The following APOL3 variants were observed in gnomAD, a reference collection of about 807,000 sequenced individuals.
APOL3 encodes apolipoprotein L3, also known as TNF-inducible protein CG12-1.
APOL3 carries 14 observed loss-of-function variants against 11.6 expected under a neutral mutation model. The observed-to-expected ratio is 1.21, with a 90% CI of 0.80 to 1.89. The LOEUF (loss-of-function observed/expected upper bound fraction) is 1.89, where lower values mean the gene tolerates loss of function less well. APOL3 is among the 40% of genes most tolerant of loss of function. The pLI is 0.00. For synonymous variants in APOL3, 192 were observed against 190.6 expected (o/e 1.01, Z -0.06); for missense variants, 483 against 492.1 (o/e 0.98, Z 0.17).
chr22:36,142,418 C>T (rs1179355984), intron 2 of APOL3, among the ~76,000 whole-genome samples: 1 of 151,920 alleles, frequency 6.6e-6, no homozygotes, highest in Admixed American at 6.6e-5. Flanking sequence ...GAAGTGGGTT[C>T]GGAGCAAAAA....
chr22:36,150,198 C>T (rs917608839), intron 1 of APOL3, among the ~76,000 whole-genome samples: 1 of 152,048 alleles, frequency 6.6e-6, no homozygotes, highest in African/African-American at 2.4e-5. Flanking sequence ...AAAAAGAAAG[C>T]AAATGTTGAT....
intron 1 of APOL3, among the ~76,000 whole-genome samples, chr22:36,147,947 C>T (rs60528946): frequency 0.06 from 9,126 of 152,244 alleles, 904 homozygotes; most frequent in African/African-American, 0.21. Context: ...TTAACTTCGG[C>T]CAGTCATGAG....
rs2013382886 is a variant in APOL3 at position 36,159,104 on chromosome 22, A to T, written c.223+1565T>A. ...CAAATGTTCCGTCATCTGAGCTCTG[A>T]GGAGCCAGGCCCACCCTCTCACCTG... On this transcript the variant is annotated intron_variant, in intron 1 of 2. Transcript: ENST00000349314. The T allele has an allele frequency of 2.0e-5, 3 of 152,176 alleles. No individual in the cohort carries two copies. The East Asian group carries it at 5.8e-4, about 29-fold the overall frequency. 9.4% of individuals were successfully genotyped at this position (152,176 alleles called of 1,614,324 possible). A position where few individuals can be genotyped will look rare whatever the true frequency, so the allele number is the denominator to read the frequency against.
chr22:36,153,749 C>T (rs921394781), intron 1 of APOL3, among the ~76,000 whole-genome samples: 4 of 152,306 alleles, frequency 2.6e-5, no homozygotes, highest in East Asian at 3.9e-4. Context: ...GTTTATTTTG[C>T]CAAGGTTGAG....
intron 1 of APOL3, among the ~76,000 whole-genome samples, chr22:36,147,458 G>T (rs913087714): frequency 3.9e-5 from 6 of 152,164 alleles, no homozygotes; most frequent in Non-Finnish European, 7.4e-5. Context: ...TCTTCCTTGA[G>T]CCTCCCAGCC....
At chr22:36,153,368 C>T (rs1362425079) in intron 1 of APOL3, 4 of 455,992 alleles carry the variant, frequency 8.8e-6, no homozygotes, top group Non-Finnish European at 1.8e-5. Context: ...ATACACCTGC[C>T]TCCTGATGGG....
intron 1 of APOL3, among the ~76,000 whole-genome samples, chr22:36,152,961 A>C (rs905944908): frequency 6.6e-6 from 1 of 152,154 alleles, no homozygotes; most frequent in Admixed American, 6.5e-5. Context: ...AAATGAAAAA[A>C]TTAGCCGGGC....
chr22:36,149,699 G>A, intron 1 of APOL3: 5 of 373,992 alleles, frequency 1.3e-5, no homozygotes, highest in Non-Finnish European at 2.7e-5. Flanking sequence ...CAGGACTTCT[G>A]ATTCAAATCC....
chr22:36,157,222 A>G (rs1036794138), intron 1 of APOL3, among the ~76,000 whole-genome samples: 8 of 152,280 alleles, frequency 5.3e-5, no homozygotes, highest in Admixed American at 5.2e-4. Flanking sequence ...CCCCACGGCA[A>G]TGGCCCAGGC....
exon 3 of APOL3, chr22:36,141,374 T>C: frequency 6.2e-7 from 1 of 1,614,198 alleles, no homozygotes; most frequent in East Asian, 2.2e-5. Context: ...GGAAGATGCC[T>C]GAAGTGGTCG....
chr22:36,159,333 C>T (rs1189644658), intron 1 of APOL3: 3 of 152,242 alleles, frequency 2.0e-5, no homozygotes, highest in African/African-American at 7.2e-5. Flanking sequence ...GGTGAAAAAC[C>T]CTGAGGCTCA....
intron 1 of APOL3, among the ~76,000 whole-genome samples, chr22:36,157,325 T>C (rs1178586208): frequency 6.6e-6 from 1 of 152,216 alleles, no homozygotes; most frequent in Non-Finnish European, 1.5e-5. Flanking sequence ...GGTCATTTCC[T>C]TCCTGCACTT....
rs188210735 is a variant in APOL3 at position 36,160,038 on chromosome 22, C to T, written c.223+631G>A. Reference sequence around the variant, plus strand: ...CTGGGATTACTGGCTTGTGCCACCACGCCCAGCTAATTTTTTGTATTTTTA... The same window carrying T: ...CTGGGATTACTGGCTTGTGCCACCATGCCCAGCTAATTTTTTGTATTTTTA... On this transcript the variant is annotated intron_variant, in intron 1 of 2. Coordinates refer to ENST00000349314, the Ensembl canonical transcript of APOL3. Among the ~76,000 whole-genome samples the T allele has an allele frequency of 1.1e-4, 17 of 152,250 alleles. 1 individual carries two copies. In the East Asian group the frequency reaches 1.9e-3, roughly 17 times the overall value.
At chr22:36,162,532 GAC>G (rs909655290), upstream of APOL3, among the ~76,000 whole-genome samples, 1 of 152,112 alleles carries the variant, frequency 6.6e-6, no homozygotes, top group African/African-American at 2.4e-5. Flanking sequence ...CCTTTACTCA[GAC>G]ACAGCCCCAA....
At chr22:36,143,736 G>C (rs1307244768) in intron 2 of APOL3, among the ~76,000 whole-genome samples, 1 of 152,198 alleles carries the variant, frequency 6.6e-6, no homozygotes, top group East Asian at 1.9e-4. Context: ...CCAAGCTTCA[G>C]GGTCTCACTG....
upstream of APOL3, chr22:36,165,611 GTTTT>G (rs1422680853): frequency 6.6e-6 from 1 of 152,144 alleles, no homozygotes; most frequent in Non-Finnish European, 1.5e-5. Context: ...TTACAAGGTT[GTTTT>G]GTTTCTTCCC....
chr22:36,151,897 C>A (rs1439207772), intron 1 of APOL3, among the ~76,000 whole-genome samples: 1 of 152,126 alleles, frequency 6.6e-6, no homozygotes, highest in Admixed American at 6.5e-5. Context: ...CAGAGCAAGA[C>A]CCTGTCTCTG....
intron 1 of APOL3, among the ~76,000 whole-genome samples, chr22:36,151,484 T>C (rs2060431379): frequency 6.6e-6 from 1 of 152,110 alleles, no homozygotes; most frequent in African/African-American, 2.4e-5. Context: ...CAAAAAAGAC[T>C]TCTTGAGAAT....
chr22:36,164,722 A>G (rs1336385128), upstream of APOL3: 1 of 152,238 alleles, frequency 6.6e-6, no homozygotes, highest in Admixed American at 6.5e-5. Flanking sequence ...CATTTTAAAC[A>G]TAACAACTTC....
Sources: gnomAD v4.1 joint callset for allele counts (sites outside exome capture counted in the v4.1 genomes callset) on GRCh38, gnomAD v4.1.1 for gene constraint, MANE v1.5 for transcripts, NCBI Gene and HGNC (gene_info 2026-07-23, HGNC 2026-07-21) for gene names.